AFF3: variants seen among roughly 807,000 people sequenced by gnomAD.
The protein encoded by AFF3 is ALF transcription elongation factor 3.
AFF3 carries 32 observed loss-of-function variants against 129.7 expected under a neutral mutation model. The observed-to-expected ratio is 0.25, with a 90% CI of 0.19 to 0.33. The LOEUF is 0.33. AFF3 is among the 10% of genes least tolerant of loss of function. The pLI is 1.00. For synonymous variants in AFF3, 644 were observed against 635.4 expected, an observed-to-expected ratio of 1.01 and a Z score of -0.20; for missense variants, 1,373 against 1,592.0, an observed-to-expected ratio of 0.86 and a Z score of 2.34.
chr2:99,705,285 G>C (rs1677248617), intron 11 of AFF3, among the ~76,000 whole-genome samples: 2 of 152,156 alleles, frequency 1.3e-5, no homozygotes, highest in African/African-American at 4.8e-5. Context: ...AGTCACAATG[G>C]TTGATGGATT....
intron 10 of AFF3, 88 bp downstream of exon 10, chr2:99,744,016 C>T (rs1575845849): frequency 8.3e-7 from 1 of 1,200,358 alleles, no homozygotes; most frequent in Non-Finnish European, 1.2e-6. Context: ...AACCTACTGT[C>T]CAATGTGTGC....
At chr2:99,562,186 T>C (rs1675535316) in intron 20 of AFF3, among the ~76,000 whole-genome samples, 1 of 152,230 alleles carries the variant, frequency 6.6e-6, no homozygotes, top group Non-Finnish European at 1.5e-5. Context: ...GCTTCTTAAA[T>C]CTGTAGGTTT....
At chr2:99,707,090 G>A in intron 11 of AFF3, 1 of 985,208 alleles carries the variant, frequency 1.0e-6, no homozygotes, top group Non-Finnish European at 1.2e-6. Context: ...ATAGTACAAT[G>A]AAAATATTCT....
intron 7 of AFF3, among the ~76,000 whole-genome samples, chr2:99,904,932 G>C (rs560150917): frequency 6.6e-6 from 1 of 152,178 alleles, no homozygotes; most frequent in African/African-American, 2.4e-5. Flanking sequence ...CTCCAGGATG[G>C]TGCCTAGGTG....
At chr2:99,874,766 G>A (rs932293702) in intron 7 of AFF3, among the ~76,000 whole-genome samples, 2 of 152,036 alleles carry the variant, frequency 1.3e-5, no homozygotes, top group Non-Finnish European at 2.9e-5. Flanking sequence ...GTATTATATC[G>A]AAGTTAAATT....
At chr2:99,778,078 T>C (rs1441857237) in intron 8 of AFF3, among the ~76,000 whole-genome samples, 1 of 151,728 alleles carries the variant, frequency 6.6e-6, no homozygotes, top group Non-Finnish European at 1.5e-5. Context: ...CAGGTTTCAG[T>C]TGGTTTGTTC....
At chr2:99,794,187 C>T (rs188512475) in intron 8 of AFF3, among the ~76,000 whole-genome samples, 11 of 152,276 alleles carry the variant, frequency 7.2e-5, no homozygotes, top group Non-Finnish European at 1.5e-4. Context: ...TTTCCTTTTG[C>T]TATGGGTCAC....
At chr2:99,659,039 A>G (rs1686001351) in intron 12 of AFF3, among the ~76,000 whole-genome samples, 1 of 152,358 alleles carries the variant, frequency 6.6e-6, no homozygotes, top group East Asian at 1.9e-4. Context: ...GGCCCTTGTC[A>G]AAATCTTCTG....
chr2:99,800,816 C>T (rs1387172285), intron 8 of AFF3, among the ~76,000 whole-genome samples: 1 of 151,988 alleles, frequency 6.6e-6, no homozygotes, highest in Non-Finnish European at 1.5e-5. Context: ...GTGACAGAAG[C>T]CAAACAAGAA....
intron 13 of AFF3, among the ~76,000 whole-genome samples, chr2:99,607,578 T>C (rs989290621): frequency 2.0e-5 from 3 of 151,810 alleles, no homozygotes; most frequent in African/African-American, 4.8e-5. Context: ...ATCTTGGATC[T>C]CACAGTCAAG....
At chr2:100,068,981 G>A (rs1687953759) in intron 4 of AFF3, among the ~76,000 whole-genome samples, 1 of 152,124 alleles carries the variant, frequency 6.6e-6, no homozygotes, top group South Asian at 2.1e-4. Context: ...TTGAAGTTCA[G>A]GGGTACATGT....
chr2:99,609,837 T>C (rs1279755310), intron 13 of AFF3, among the ~76,000 whole-genome samples: 1 of 152,164 alleles, frequency 6.6e-6, no homozygotes, highest in Non-Finnish European at 1.5e-5. Context: ...TTTTATCACA[T>C]GTATAGATTG....
At chr2:100,141,553 G>A (rs1025069603) in intron 1 of AFF3, among the ~76,000 whole-genome samples, 2 of 152,196 alleles carry the variant, frequency 1.3e-5, no homozygotes, top group Admixed American at 6.5e-5. Flanking sequence ...CAAAGAATGA[G>A]TTTACCACCA....
chr2:99,707,692 T>G, intron 11 of AFF3: 2 of 964,494 alleles, frequency 2.1e-6, no homozygotes, highest in Non-Finnish European at 2.5e-6. Context: ...GTTAATAGGA[T>G]GCCTGCCTTT....
intron 7 of AFF3, among the ~76,000 whole-genome samples, chr2:99,986,123 C>T (rs185851980): frequency 0.013 from 1,968 of 151,142 alleles, 54 homozygotes; most frequent in African/African-American, 0.045. Context: ...ATGGTGTGAA[C>T]CCAGGAGGCG....
chr2:100,107,886 T>C (rs1483805860), intron 2 of AFF3, among the ~76,000 whole-genome samples: 1 of 152,198 alleles, frequency 6.6e-6, no homozygotes, highest in Non-Finnish European at 1.5e-5. Context: ...AATTCATGCC[T>C]TATCCTGAAG....
chr2:99,846,460 A>G (rs1350928855), intron 7 of AFF3, among the ~76,000 whole-genome samples: 1 of 152,220 alleles, frequency 6.6e-6, no homozygotes, highest in Non-Finnish European at 1.5e-5. Flanking sequence ...ATACAATTCC[A>G]TTTATATGAT....
At chr2:99,761,869 C>T (rs1682626994) in intron 8 of AFF3, among the ~76,000 whole-genome samples, 1 of 152,172 alleles carries the variant, frequency 6.6e-6, no homozygotes, top group Admixed American at 6.5e-5. Flanking sequence ...TCAAGATGCT[C>T]TGTCACATGG....
intron 7 of AFF3, among the ~76,000 whole-genome samples, chr2:99,960,750 T>G (rs1338802791): frequency 6.6e-6 from 1 of 152,162 alleles, no homozygotes; most frequent in East Asian, 1.9e-4. Context: ...TTGCTGCATT[T>G]GGGGAAGAGA....
Sources: gnomAD v4.1 joint callset for allele counts (sites outside exome capture counted in the v4.1 genomes callset) on GRCh38, gnomAD v4.1.1 for gene constraint, MANE v1.5 for transcripts, NCBI Gene and HGNC (gene_info 2026-07-23, HGNC 2026-07-21) for gene names.